The following GALNT15 variants were observed in gnomAD, a reference collection of about 807,000 sequenced individuals.
The protein encoded by GALNT15 is UDP-GalNAc transferase T15.
GALNT15 carries 67 observed loss-of-function variants against 66.8 expected under a neutral mutation model. The observed-to-expected ratio is 1.00, with a 90% CI of 0.82 to 1.23. GALNT15 has a LOEUF of 1.23. Among genes scored for constraint, GALNT15 ranks in the 50% most tolerant of loss-of-function variants. The probability of loss-of-function intolerance (pLI) is 0.00; values close to 1 mark genes in which losing one functional copy is unlikely to be tolerated. For missense variants in GALNT15, 827 were observed against 804.3 expected (o/e 1.03, Z -0.34); for synonymous variants, 313 against 311.5 (o/e 1.00, Z -0.05).
rs1345649765 is a variant in GALNT15 at position 16,229,649 on chromosome 3, C to A, written c.*2149C>A. 2.0e-6 allele frequency: 2 copies of A among 984,964 alleles called. No homozygotes were observed. The highest frequency in any genetic ancestry group is 3.5e-5 in the African/African-American group (2 of 57,192). 61.0% of individuals were successfully genotyped at this position (984,964 alleles called of 1,614,324 possible). A position where few individuals can be genotyped will look rare whatever the true frequency, so the allele number is the denominator to read the frequency against. On this transcript the variant is annotated 3_prime_UTR_variant, in exon 10 of 10. Coordinates refer to ENST00000339732, the MANE Select transcript of GALNT15 (RefSeq NM_054110.5). ...GCTGAAGAAAAAAAATTTTTCAAGACCTCTGTTTTTTAACTGAACTTTATC... is the reference window on the plus strand; with the variant it reads ...GCTGAAGAAAAAAAATTTTTCAAGAACTCTGTTTTTTAACTGAACTTTATC...
intron 9 of GALNT15, among the ~76,000 whole-genome samples, chr3:16,223,198 C>T (rs2063966322): frequency 6.6e-6 from 1 of 152,066 alleles, no homozygotes; most frequent in South Asian, 2.1e-4. Flanking sequence ...TCACTTTCTT[C>T]CTTTCAATGC....
intron 6 of GALNT15, among the ~76,000 whole-genome samples, chr3:16,215,648 A>G (rs930799514): frequency 6.6e-6 from 1 of 152,156 alleles, no homozygotes; most frequent in African/African-American, 2.4e-5. Context: ...ACAGTGGCTC[A>G]TGCCTGTAAT....
At position 16,176,902 on chromosome 3, in the gene GALNT15, C is replaced by T. The variant is rs920325672; in HGVS notation, c.539+1212C>T. Among the ~76,000 whole-genome samples the T allele has an allele frequency of 3.3e-5, 5 of 152,132 alleles. No individual in the cohort carries two copies. Among genetic ancestry groups the T allele is most frequent in the African/African-American group, 9.7e-5 (4 of 41,424 alleles). On this transcript the variant is annotated intron_variant, in intron 1 of 9. Coordinates refer to ENST00000339732, the MANE Select transcript of GALNT15 (RefSeq NM_054110.5). This position sits in a 1 kb window ranked among gnomAD's most constrained non-coding sequence, Gnocchi z 5.6. ...GTCAGCAGCCGGGAGTGAACATCTC[C>T]TTAAATTGTGTGCCCCGGGTGCCTC...
At chr3:16,223,880 G>A (rs1267098762) in intron 9 of GALNT15, among the ~76,000 whole-genome samples, 1 of 152,038 alleles carries the variant, frequency 6.6e-6, no homozygotes, top group Non-Finnish European at 1.5e-5. Context: ...TTTTAGTAGA[G>A]ACAGGGTTTT....
chr3:16,235,607 C>T (rs1256119266), downstream of GALNT15, among the ~76,000 whole-genome samples: 2 of 152,132 alleles, frequency 1.3e-5, no homozygotes, highest in Non-Finnish European at 2.9e-5. Context: ...GCAGGAGTGA[C>T]TTACCAGAGA....
chr3:16,237,329 C>T, the GALNT15 span, among the ~76,000 whole-genome samples: 1 of 152,216 alleles, frequency 6.6e-6, no homozygotes, highest in African/African-American at 2.4e-5. This position sits in a 1 kb window ranked among gnomAD's most constrained non-coding sequence, Gnocchi z 4.2. Context: ...GCCTAGGGTG[C>T]CTCCTGCCTG....
chr3:16,175,645 C>A lies in GALNT15; in HGVS notation c.494C>A (p.Ala165Asp), dbSNP rs141573525. The change falls in exon 1 of 10, where the codon GCC becomes GAC. Residue 165 changes from alanine (A) to aspartate (D), a missense_variant. Transcript: ENST00000339732. The surrounding 1 kb of genome is among the most constrained non-coding windows in gnomAD (Gnocchi z 5.6). The stretch of plus-strand genomic sequence containing the variant: ...CGTGGCCTCCAGGAGGCACTCAGTG[C>A]CCGCATCCCCCTCCAGAGGGCTCTG... ...DPRGLQEALS[A>D]RIPLQRALPE... The A allele has an allele frequency of 1.9e-5, 31 of 1,610,912 alleles. No homozygotes were observed. The highest frequency in any genetic ancestry group is 3.3e-5 in the South Asian group (3 of 90,756).
the GALNT15 span, among the ~76,000 whole-genome samples, chr3:16,244,634 C>A: frequency 6.6e-6 from 1 of 152,216 alleles, no homozygotes; most frequent in Non-Finnish European, 1.5e-5. Context: ...TGAGCCCCCA[C>A]AAAGCAGCCT....
the GALNT15 span, among the ~76,000 whole-genome samples, chr3:16,239,330 G>A: frequency 6.6e-6 from 1 of 152,132 alleles, no homozygotes; most frequent in Non-Finnish European, 1.5e-5. The surrounding 1 kb of genome is among the most constrained non-coding windows in gnomAD (Gnocchi z 5.2). Flanking sequence ...GTGGGAAGTT[G>A]GCAGATGGAT....
chr3:16,211,720 GC>G lies in GALNT15; in HGVS notation c.1197+480del, dbSNP rs1453892043. 6.6e-6 allele frequency among the ~76,000 whole-genome samples: 1 copy of G among 152,106 alleles called. No homozygotes were observed. The highest frequency in any genetic ancestry group is 1.5e-5 in the Non-Finnish European group (1 of 68,030). ...TCACCCTCATTTCCTGTCCCACATTGCTTTTCTAGCATGATACTTGCTTTTT... is the reference window on the plus strand; with the variant it reads ...TCACCCTCATTTCCTGTCCCACATTGTTTTCTAGCATGATACTTGCTTTTT... On this transcript the variant is annotated intron_variant, in intron 5 of 9. Coordinates refer to ENST00000339732, the MANE Select transcript of GALNT15 (RefSeq NM_054110.5). The surrounding 1 kb of genome is among the most constrained non-coding windows in gnomAD (Gnocchi z 4.3).
downstream of GALNT15, among the ~76,000 whole-genome samples, chr3:16,233,181 C>T (rs938326654): frequency 1.4e-4 from 20 of 140,924 alleles, no homozygotes; most frequent in African/African-American, 3.8e-4. Context: ...CTGCAAACTC[C>T]ACCTCCTGGG....
chr3:16,211,785 TTCA>T lies in GALNT15; in HGVS notation c.1197+551_1197+553del, dbSNP rs1244773728. On this transcript the variant is annotated intron_variant, in intron 5 of 9. Transcript: ENST00000339732. This position sits in a 1 kb window ranked among gnomAD's most constrained non-coding sequence, Gnocchi z 4.3. ...TCCGAAAACCCAACACCAAAAAAAA[TTCA>T]TCATCAAGAGTGCAGAGATCTAATG... is the stretch of plus-strand genomic sequence containing the variant. 6.6e-6 allele frequency among the ~76,000 whole-genome samples: 1 copy of T among 152,158 alleles called. No homozygotes were observed. Among genetic ancestry groups the T allele is most frequent in the Non-Finnish European group, 1.5e-5 (1 of 68,030 alleles).
rs977531347 is a variant in GALNT15, at chr3:16,191,473, A to C, written c.540-4287A>C. The C allele has an allele frequency of 2.7e-5, 9 of 339,078 alleles. No individual in the cohort carries two copies. The highest frequency in any genetic ancestry group is 2.0e-4 in the African/African-American group (9 of 44,858). The allele number at this position is 339,078 out of a possible 1,614,324, so 21.0% of individuals were successfully genotyped here. On this transcript the variant is annotated intron_variant, in intron 1 of 9. Transcript: ENST00000339732. This position sits in a 1 kb window ranked among gnomAD's most constrained non-coding sequence, Gnocchi z 5.2. ...GGCCCTACGGCTACCTTTCTGAGGA[A>C]ACCAAGGCACCCAGAAGCTAAGCAA...
intron 6 of GALNT15, among the ~76,000 whole-genome samples, chr3:16,216,764 T>A (rs2063883243): frequency 1.3e-5 from 2 of 152,244 alleles, no homozygotes; most frequent in Admixed American, 6.5e-5. Flanking sequence ...CATGCTCACG[T>A]GAGGCGTTAC....
At chr3:16,208,944 A>C (rs759680979) in intron 4 of GALNT15, among the ~76,000 whole-genome samples, 7 of 152,202 alleles carry the variant, frequency 4.6e-5, no homozygotes, top group Non-Finnish European at 8.8e-5. Flanking sequence ...TTATATTGTC[A>C]TATTCATAAA....
chr3:16,204,432 G>C lies in GALNT15; in HGVS notation c.911+3609G>C, dbSNP rs959900418. On this transcript the variant is annotated intron_variant, in intron 3 of 9. Coordinates refer to ENST00000339732, the MANE Select transcript of GALNT15 (RefSeq NM_054110.5). The surrounding 1 kb of genome is among the most constrained non-coding windows in gnomAD (Gnocchi z 4.5). ...TGCACAGTGCGCAACTCCTGTAACT[G>C]TTCATAGCAACCCTACATAGAGTCT... 2.0e-5 allele frequency among the ~76,000 whole-genome samples: 3 copies of C among 152,162 alleles called. No homozygotes were observed. The highest frequency in any genetic ancestry group is 4.4e-5 in the Non-Finnish European group (3 of 68,012).
Position 16,193,960 on chromosome 3 carries a change from C to T in GALNT15, c.540-1800C>T, listed in dbSNP as rs1364699123. Reference sequence around the variant, plus strand: ...TCACTCCACCCTGGACCCACTGATTCTCAACAGACCCAAAGCAAGGCAAAC... The same window carrying T: ...TCACTCCACCCTGGACCCACTGATTTTCAACAGACCCAAAGCAAGGCAAAC... On this transcript the variant is annotated intron_variant, in intron 1 of 9. Coordinates refer to ENST00000339732, the MANE Select transcript of GALNT15 (RefSeq NM_054110.5). The surrounding 1 kb of genome is among the most constrained non-coding windows in gnomAD (Gnocchi z 4.7). Among the ~76,000 whole-genome samples the T allele has an allele frequency of 1.3e-5, 2 of 152,176 alleles. No homozygotes were observed. Among genetic ancestry groups the T allele is most frequent in the East Asian group, 3.8e-4 (2 of 5,196 alleles).
chr3:16,194,882 T>A (rs1374968616), intron 1 of GALNT15, among the ~76,000 whole-genome samples: 1 of 152,178 alleles, frequency 6.6e-6, no homozygotes, highest in Non-Finnish European at 1.5e-5. Flanking sequence ...CATGTGGGGC[T>A]GAATACCTAG....
intron 2 of GALNT15, among the ~76,000 whole-genome samples, chr3:16,199,984 G>A (rs937734213): frequency 6.6e-6 from 1 of 152,178 alleles, no homozygotes; most frequent in Non-Finnish European, 1.5e-5. Flanking sequence ...ATAAAGAACT[G>A]CCTGAGACTA....
Sources: allele counts gnomAD v4.1 joint callset (sites outside exome capture counted in the v4.1 genomes callset), GRCh38; gene constraint gnomAD v4.1.1; non-coding constraint Gnocchi (gnomAD v3.1); transcripts MANE v1.5; gene names NCBI Gene and HGNC (gene_info 2026-07-23, HGNC 2026-07-21).